DOCK1: variants seen among roughly 807,000 people sequenced by gnomAD.
DOCK1 encodes dedicator of cytokinesis protein 1.
DOCK1 carries 138 observed loss-of-function variants against 262.7 expected under a neutral mutation model. That is an observed-to-expected ratio of 0.53 (90% CI 0.46 to 0.61). The LOEUF is 0.61. DOCK1 is among the 20% of genes least tolerant of loss of function. The probability of loss-of-function intolerance (pLI) is 0.00; values close to 1 mark genes in which losing one functional copy is unlikely to be tolerated. For synonymous variants in DOCK1, 866 were observed against 867.4 expected (o/e 1.00, Z 0.03); for missense variants, 1,908 against 2,370.7 (o/e 0.80, Z 4.05).
At chr10:127,311,973 T>G (rs939341828) in intron 29 of DOCK1, among the ~76,000 whole-genome samples, 4 of 152,170 alleles carry the variant, frequency 2.6e-5, no homozygotes, top group Non-Finnish European at 5.9e-5. Flanking sequence ...CAAGTGATTC[T>G]CCTGCCTCAG....
At chr10:127,002,327 G>A (rs994307789) in intron 10 of DOCK1, among the ~76,000 whole-genome samples, 2 of 152,194 alleles carry the variant, frequency 1.3e-5, no homozygotes, top group Non-Finnish European at 2.9e-5. Flanking sequence ...AAGTTCCTAC[G>A]AATGCGTAGT....
At chr10:127,130,200 C>T (rs554038483) in intron 27 of DOCK1, among the ~76,000 whole-genome samples, 57 of 151,190 alleles carry the variant, frequency 3.8e-4, no homozygotes, top group Admixed American at 1.6e-3. Context: ...TCTTGTGCCT[C>T]GGACTCCCGA....
chr10:127,027,054 AGGGTGTGTGT>A (rs1022870617), intron 16 of DOCK1, among the ~76,000 whole-genome samples: 3 of 152,242 alleles, frequency 2.0e-5, no homozygotes, highest in Non-Finnish European at 2.9e-5. Flanking sequence ...CCCGTCTTTC[AGGGTGTGTGT>A]CTCTTTGGCA....
chr10:127,281,743 C>A (rs992136884), intron 29 of DOCK1, among the ~76,000 whole-genome samples: 1 of 152,154 alleles, frequency 6.6e-6, no homozygotes, highest in East Asian at 1.9e-4. Flanking sequence ...CATCAAGAGC[C>A]AGGTTCCTTT....
intron 1 of DOCK1, among the ~76,000 whole-genome samples, chr10:126,952,457 GTGGTGGTAGTAT>G (rs1490668647): frequency 3.3e-5 from 5 of 151,530 alleles, no homozygotes; most frequent in African/African-American, 9.7e-5. Context: ...GGTGATGGTG[GTGGTGGTAGTAT>G]TGGTGGTAGT....
intron 23 of DOCK1, among the ~76,000 whole-genome samples, chr10:127,083,713 C>T (rs1275982079): frequency 2.6e-5 from 4 of 151,992 alleles, no homozygotes; most frequent in African/African-American, 4.8e-5. Flanking sequence ...CAAATTCCTG[C>T]GATACAGGGA....
At chr10:127,024,817 CT>C (rs1410451672) in intron 15 of DOCK1, 34 bp downstream of exon 15, 1 of 1,528,046 alleles carries the variant, frequency 6.5e-7, no homozygotes, top group South Asian at 1.2e-5. Flanking sequence ...TCACATGGCG[CT>C]GATTATGAAA....
chr10:126,910,067 G>A (rs774481065), intron 1 of DOCK1, among the ~76,000 whole-genome samples: 2 of 152,188 alleles, frequency 1.3e-5, no homozygotes, highest in Non-Finnish European at 2.9e-5. Context: ...GGGAGTTGAT[G>A]AGAGATCTCT....
chr10:127,322,122 G>C (rs2135575405), intron 29 of DOCK1, among the ~76,000 whole-genome samples: 1 of 150,832 alleles, frequency 6.6e-6, no homozygotes, highest in East Asian at 2.0e-4. Context: ...AAAAAAAAGA[G>C]AATGAATAAT....
intron 29 of DOCK1, among the ~76,000 whole-genome samples, chr10:127,321,610 G>A (rs2062532440): frequency 6.6e-6 from 1 of 151,646 alleles, no homozygotes; most frequent in Non-Finnish European, 1.5e-5. Flanking sequence ...TATCCCCAAG[G>A]AGGTGCTCTG....
chr10:127,135,954 T>C (rs2050654423), intron 27 of DOCK1: 1 of 152,658 alleles, frequency 6.6e-6, no homozygotes, highest in African/African-American at 2.4e-5. Flanking sequence ...TGAAACCCAT[T>C]TTTAAATATT....
chr10:126,945,800 C>A (rs999715553), intron 1 of DOCK1, among the ~76,000 whole-genome samples: 3 of 152,202 alleles, frequency 2.0e-5, no homozygotes, highest in Admixed American at 6.5e-5. Flanking sequence ...GCAGTTTCTT[C>A]GAAGTTTCTG....
At chr10:126,981,893 T>G (rs1390690921) in intron 3 of DOCK1, 25 bp from the exon 4 acceptor site, 1 of 1,602,116 alleles carries the variant, frequency 6.2e-7, no homozygotes, top group Non-Finnish European at 8.5e-7. Flanking sequence ...TAATAAAAGC[T>G]ACTGTTTTTT....
intron 43 of DOCK1, among the ~76,000 whole-genome samples, chr10:127,411,874 C>T (rs7916971): frequency 0.25 from 38,691 of 152,016 alleles, 5,169 homozygotes; most frequent in African/African-American, 0.33. Flanking sequence ...CAAAATAAAA[C>T]ATCTGCCCCT....
intron 42 of DOCK1, among the ~76,000 whole-genome samples, chr10:127,410,246 T>C (rs1420423087): frequency 1.3e-5 from 2 of 152,226 alleles, no homozygotes; most frequent in Non-Finnish European, 2.9e-5. Flanking sequence ...TTGCAACATT[T>C]TTTTTCAGAG....
intron 47 of DOCK1, among the ~76,000 whole-genome samples, chr10:127,426,212 T>C (rs542921668): frequency 1.3e-4 from 20 of 152,266 alleles, no homozygotes; most frequent in African/African-American, 4.6e-4. Context: ...ACTGGAAATG[T>C]CAGGGCGAAT....
rs529063076 is a variant in DOCK1, at chr10:127,447,744, G to A, written c.5565+199G>A. ...CAGTGGGTAAGATCTGTGGCTCTGC[G>A]TCATTATCAATAACTGCATCAAAAA... On this transcript the variant is annotated intron_variant, in intron 51 of 51. Coordinates refer to ENST00000623213, the MANE Select transcript of DOCK1 (RefSeq NM_001290223.2). Among the ~76,000 whole-genome samples, 15 of 152,254 alleles carry A rather than the reference G, an allele frequency of 9.9e-5. No individual in the cohort carries two copies. The South Asian group carries it at 1.7e-3, about 17-fold the overall frequency.
chr10:127,219,529 T>C (rs1316180500), intron 27 of DOCK1, among the ~76,000 whole-genome samples: 3 of 152,192 alleles, frequency 2.0e-5, no homozygotes, highest in Non-Finnish European at 4.4e-5. Context: ...ATTTTAAGTG[T>C]ACAGTTCAAT....
chr10:126,981,226 C>A (rs565432241), intron 3 of DOCK1, among the ~76,000 whole-genome samples: 2 of 152,094 alleles, frequency 1.3e-5, no homozygotes, highest in Non-Finnish European at 2.9e-5. Context: ...GGGATTACAT[C>A]GTGCCTGGCC....
Sources: allele counts gnomAD v4.1 joint callset (sites outside exome capture counted in the v4.1 genomes callset), GRCh38; gene constraint gnomAD v4.1.1; transcripts MANE v1.5; gene names NCBI Gene and HGNC (gene_info 2026-07-23, HGNC 2026-07-21).